The following HIPK3 variants were observed in gnomAD, a reference collection of about 807,000 sequenced individuals.
The protein encoded by HIPK3 is homeodomain-interacting protein kinase 3.
In HIPK3, 47 loss-of-function variants were observed where a neutral mutation model predicts 124.2. The observed-to-expected ratio is 0.38, with a 90% CI of 0.30 to 0.48. HIPK3 has a LOEUF of 0.48. Among genes scored for constraint, HIPK3 ranks in the 20% least tolerant of loss-of-function variants. HIPK3 has a pLI of 0.98. For synonymous variants in HIPK3, 482 were observed against 515.2 expected, an observed-to-expected ratio of 0.94 and a Z score of 0.87; for missense variants, 1,286 against 1,454.3, an observed-to-expected ratio of 0.88 and a Z score of 1.88.
intron 14 of HIPK3, among the ~76,000 whole-genome samples, chr11:33,350,754 T>G (rs1476797213): frequency 6.6e-6 from 1 of 152,096 alleles, no homozygotes; most frequent in Non-Finnish European, 1.5e-5. Flanking sequence ...TTGAAAAATT[T>G]TAAGTTTTAA....
intron 6 of HIPK3, among the ~76,000 whole-genome samples, chr11:33,340,626 G>A (rs533569192): frequency 1.3e-5 from 2 of 152,222 alleles, no homozygotes; most frequent in South Asian, 2.1e-4. Context: ...TAACATGATA[G>A]CAACTCTTTG....
chr11:33,296,678 C>T (rs1034593757), intron 2 of HIPK3, among the ~76,000 whole-genome samples: 5 of 152,208 alleles, frequency 3.3e-5, no homozygotes, highest in South Asian at 2.1e-4. Flanking sequence ...CTATTATAAT[C>T]GTTTTGGGGC....
chr11:33,339,485 C>T lies in HIPK3; in HGVS notation c.1564C>T (p.His522Tyr), dbSNP rs760975918. 1 of 1,610,382 alleles carries T rather than the reference C, an allele frequency of 6.2e-7. No homozygotes were observed. Among genetic ancestry groups the T allele is most frequent in the Non-Finnish European group, 8.5e-7 (1 of 1,177,370 alleles). The change falls in exon 6 of 17, where the codon CAT becomes TAT. Residue 522 changes from histidine (H) to tyrosine (Y), a missense_variant. His to Tyr is a moderately conservative substitution (Grantham distance 83). Transcript: ENST00000303296. ...LRITPAETLNHPFVNMKHLLD... is the reference protein window; with the variant it reads ...LRITPAETLNYPFVNMKHLLD... ...AATTACTCCAGCTGAGACCCTGAACCATCCTTTTGTTAATATGAAACATCT... is the reference window on the plus strand; with the variant it reads ...AATTACTCCAGCTGAGACCCTGAACTATCCTTTTGTTAATATGAAACATCT...
At chr11:33,352,656 C>CTA (rs749029901) in intron 16 of HIPK3, among the ~76,000 whole-genome samples, 101 of 151,286 alleles carry the variant, frequency 6.7e-4, no homozygotes, top group Non-Finnish European at 1.0e-3. Flanking sequence ...TTGCCATGTA[C>CTA]TATATATATA....
chr11:33,276,799 G>A (rs946160465), intron 1 of HIPK3, among the ~76,000 whole-genome samples: 3 of 151,974 alleles, frequency 2.0e-5, no homozygotes, highest in African/African-American at 7.2e-5. Flanking sequence ...CCTGCCTTCC[G>A]GATTCAAGTG....
intron 8 of HIPK3, among the ~76,000 whole-genome samples, chr11:33,342,018 G>C (rs1853349515): frequency 6.7e-6 from 1 of 148,866 alleles, no homozygotes; most frequent in Non-Finnish European, 1.5e-5. Flanking sequence ...GGGAAATGGA[G>C]GTTGAAGCTG....
At chr11:33,268,437 T>C (rs1003013120) in intron 1 of HIPK3, among the ~76,000 whole-genome samples, 40 of 151,090 alleles carry the variant, frequency 2.6e-4, no homozygotes, top group African/African-American at 9.0e-4. Flanking sequence ...CTATAAAAAA[T>C]ACAATTACCT....
In HIPK3 at chr11:33,343,777, A is replaced by G. The variant is rs576402465; in HGVS notation, c.1897+2091A>G. 2.6e-5 allele frequency among the ~76,000 whole-genome samples: 4 copies of G among 152,144 alleles called. No individual in the cohort carries two copies. The East Asian group carries it at 7.7e-4, about 29-fold the overall frequency. ...TATTTTCATTGTTTTTATATATTGG[A>G]TTTTCAAGTAATGTATCATTGGGAG... On this transcript the variant is annotated intron_variant, in intron 8 of 16. Coordinates refer to ENST00000303296, the MANE Select transcript of HIPK3 (RefSeq NM_005734.5).
In HIPK3 at chr11:33,347,279, A is replaced by T. The variant is rs773116419; in HGVS notation, c.1898-14A>T. On this transcript the variant is annotated splice_polypyrimidine_tract_variant and intron_variant, in intron 8 of 16. Coordinates refer to ENST00000303296, the MANE Select transcript of HIPK3 (RefSeq NM_005734.5). ...AGATTTTTTCTTTTATTTGATAACTATTCTGTTTCACAGGTATTCCTGCAA... is the reference window on the plus strand; with the variant it reads ...AGATTTTTTCTTTTATTTGATAACTTTTCTGTTTCACAGGTATTCCTGCAA... The T allele has an allele frequency of 1.2e-6, 2 of 1,601,602 alleles. No individual in the cohort carries two copies. The highest frequency in any genetic ancestry group is 2.2e-5 in the East Asian group (1 of 44,808).
chr11:33,331,694 A>G (rs1294041425), intron 3 of HIPK3, among the ~76,000 whole-genome samples: 1 of 152,010 alleles, frequency 6.6e-6, no homozygotes, highest in Non-Finnish European at 1.5e-5. Flanking sequence ...GTTTTTTTCT[A>G]ATTATTATTT....
intron 1 of HIPK3, among the ~76,000 whole-genome samples, chr11:33,276,613 G>A (rs1274565266): frequency 6.6e-6 from 1 of 152,066 alleles, no homozygotes; most frequent in Non-Finnish European, 1.5e-5. Context: ...AAATTGGTAT[G>A]GTTACCAACT....
At chr11:33,338,679 A>C in intron 4 of HIPK3, 78 bp from the exon 5 acceptor site, 1 of 766,696 alleles carries the variant, frequency 1.3e-6, no homozygotes, top group South Asian at 2.1e-5. Flanking sequence ...AGAATATTTA[A>C]TATATTAGAC....
upstream of HIPK3, chr11:33,257,344 G>C (rs1164205052): frequency 1.3e-4 from 130 of 984,478 alleles, no homozygotes; most frequent in Middle Eastern, 5.2e-4. Flanking sequence ...GGCCGAGGCC[G>C]ACGAGCGCGG....
intron 2 of HIPK3, among the ~76,000 whole-genome samples, chr11:33,324,569 A>C (rs906136700): frequency 1.3e-5 from 2 of 151,162 alleles, no homozygotes; most frequent in African/African-American, 4.9e-5. Context: ...TGTGTAGAGC[A>C]GCTGGCTGAG....
chr11:33,267,785 C>T (rs890833540), intron 1 of HIPK3, among the ~76,000 whole-genome samples: 2 of 152,152 alleles, frequency 1.3e-5, no homozygotes, highest in Admixed American at 1.3e-4. Flanking sequence ...CATGAGCCAC[C>T]GTACCCGGCC....
chr11:33,307,387 G>A (rs917005110), intron 2 of HIPK3, among the ~76,000 whole-genome samples: 2 of 147,700 alleles, frequency 1.4e-5, no homozygotes, highest in East Asian at 2.0e-4. Context: ...CTAAATTTGT[G>A]TATTTATGAA....
Position 33,287,492 on chromosome 11 carries a change from C to T in HIPK3, c.1078C>T (p.Leu360=). Residue 360 remains leucine, a synonymous_variant, in exon 2 of 17, where the codon CTA becomes TTA. Coordinates refer to ENST00000303296, the MANE Select transcript of HIPK3 (RefSeq NM_005734.5). The part of the protein sequence containing the change: ...HVSKTVCSTY[L]QSRYYRAPEI... ...ATCAAAGACTGTTTGTTCAACATAT[C>T]TACAATCTCGGTACTACAGGTAGGT... 1 of 1,611,018 alleles carries T rather than the reference C, an allele frequency of 6.2e-7. No individual in the cohort carries two copies. Among genetic ancestry groups the T allele is most frequent in the East Asian group, 2.2e-5 (1 of 44,810 alleles).
At chr11:33,308,613 G>GGTGTGT (rs10628141) in intron 2 of HIPK3, among the ~76,000 whole-genome samples, 1,913 of 147,460 alleles carry the variant, frequency 0.013, 16 homozygotes, top group African/African-American at 0.019. Context: ...TGTGCCTAGG[G>GGTGTGT]GTGTGTGTGT....
rs945802372 is a variant in HIPK3, at chr11:33,351,693, G to C, written c.2893G>C (p.Ala965Pro). The change falls in exon 15 of 17, where the codon GCA becomes CCA. Residue 965 changes from alanine to proline, a missense_variant. Transcript: ENST00000303296. ...SDSSGHDSPFAESTFVEDTHE... is the reference protein window; with the variant it reads ...SDSSGHDSPFPESTFVEDTHE... ...CTCTTCCGGGCATGACAGTCCATTTGCAGAGAGCACTTTTGTGGAGGACAC... is the reference window on the plus strand; with the variant it reads ...CTCTTCCGGGCATGACAGTCCATTTCCAGAGAGCACTTTTGTGGAGGACAC... 2 of 1,614,066 alleles carry C rather than the reference G, an allele frequency of 1.2e-6. No homozygotes were observed. Among genetic ancestry groups the C allele is most frequent in the African/African-American group, 1.3e-5 (1 of 74,920 alleles).
Sources: gnomAD v4.1 joint callset for allele counts (sites outside exome capture counted in the v4.1 genomes callset) on GRCh38, gnomAD v4.1.1 for gene constraint, MANE v1.5 for transcripts, NCBI Gene and HGNC (gene_info 2026-07-23, HGNC 2026-07-21) for gene names.